KCTD11: variants seen among roughly 807,000 people sequenced by gnomAD.
KCTD11 encodes potassium channel tetramerization domain containing 11.
In KCTD11, 8 loss-of-function variants were observed where a neutral mutation model predicts 10.7. The ratio of observed to expected loss-of-function variants is 0.74; its 90% CI spans 0.44 to 1.34. The LOEUF (loss-of-function observed/expected upper bound fraction) is 1.34, where lower values mean the gene tolerates loss of function less well. KCTD11 is among the 40% of genes most tolerant of loss of function. The pLI is 0.01. For missense variants in KCTD11, 346 were observed against 356.1 expected (o/e 0.97, Z 0.23); for synonymous variants, 153 against 160.8 (o/e 0.95, Z 0.37).
At position 7,354,226 on chromosome 17, in the gene KCTD11, A is replaced by T. The variant is rs187809565; in HGVS notation, c.*585A>T. ...ATGTATGGGAGCTAGGACAGTCCCC[A>T]TGGCAATGGGGCTGGAGCATCCCTC... On this transcript the variant is annotated 3_prime_UTR_variant, in exon 1 of 1. Transcript: ENST00000333751. 6.0e-6 allele frequency: 1 copy of T among 167,356 alleles called. No homozygotes were observed. Among genetic ancestry groups the T allele is most frequent in the Admixed American group, 6.5e-5 (1 of 15,310 alleles). The allele number at this position is 167,356 out of a possible 1,614,324, so 10.4% of individuals were successfully genotyped here.
Position 7,352,920 on chromosome 17 carries a change from C to T in KCTD11, c.95C>T (p.Thr32Ile). 6.4e-7 allele frequency: 1 copy of T among 1,552,412 alleles called. No homozygotes were observed. Among genetic ancestry groups the T allele is most frequent in the Non-Finnish European group, 8.7e-7 (1 of 1,145,154 alleles). ...ACACTATATTCCACCACTTTGGAGACCCTGACCCGCTTCCCAGACTCTATG... is the reference window on the plus strand; with the variant it reads ...ACACTATATTCCACCACTTTGGAGATCCTGACCCGCTTCCCAGACTCTATG... The change falls in exon 1 of 1, where the codon ACC becomes ATC. Residue 32 changes from threonine (T) to isoleucine (I), a missense_variant. Thr to Ile is a moderately conservative substitution (Grantham distance 89). Coordinates refer to ENST00000333751, the MANE Select transcript of KCTD11 (RefSeq NM_001363642.1). The surrounding 1 kb of genome is among the most constrained non-coding windows in gnomAD (Gnocchi z 4.5).
Position 7,353,728 on chromosome 17 carries a change from C to A in KCTD11, c.*87C>A. 1 of 1,299,522 alleles carries A rather than the reference C, an allele frequency of 7.7e-7. No individual in the cohort carries two copies. Among genetic ancestry groups the A allele is most frequent in the Non-Finnish European group, 1.0e-6 (1 of 955,302 alleles). 80.5% of individuals were successfully genotyped at this position (1,299,522 alleles called of 1,614,324 possible). A position where few individuals can be genotyped will look rare whatever the true frequency, so the allele number is the denominator to read the frequency against. On this transcript the variant is annotated 3_prime_UTR_variant, in exon 1 of 1. Transcript: ENST00000333751. This position sits in a 1 kb window ranked among gnomAD's most constrained non-coding sequence, Gnocchi z 4.9. ...CCTCTTTCCAGCTCTGCTTCAGGAG[C>A]TATGAGAGTCGGGACTCTCCTGCAC...
At position 7,353,064 on chromosome 17, in the gene KCTD11, G is replaced by A. The variant is rs778687318; in HGVS notation, c.239G>A (p.Arg80Lys). The A allele has an allele frequency of 6.2e-7, 1 of 1,613,568 alleles. No individual in the cohort carries two copies. Among genetic ancestry groups the A allele is most frequent in the East Asian group, 2.2e-5 (1 of 44,874 alleles). The change falls in exon 1 of 1, where the codon AGG (arginine) becomes AAG (lysine). Residue 80 changes from arginine to lysine, a missense_variant. Coordinates refer to ENST00000333751, the MANE Select transcript of KCTD11 (RefSeq NM_001363642.1). This position sits in a 1 kb window ranked among gnomAD's most constrained non-coding sequence, Gnocchi z 4.9. ...TTCCGGCACATCCTCAATTTCCTGA[G>A]GCTGGGCCGCCTGGACCTGCCCCGT...
In KCTD11 at chr17:7,353,737, T is replaced by C; in HGVS notation, c.*96T>C. The C allele has an allele frequency of 8.2e-7, 1 of 1,212,250 alleles. No homozygotes were observed. The highest frequency in any genetic ancestry group is 1.1e-6 in the Non-Finnish European group (1 of 880,478). The allele number at this position is 1,212,250 out of a possible 1,614,324, so 75.1% of individuals were successfully genotyped here. ...AGCTCTGCTTCAGGAGCTATGAGAG[T>C]CGGGACTCTCCTGCACCTGACTGGA... is the stretch of plus-strand genomic sequence containing the variant. On this transcript the variant is annotated 3_prime_UTR_variant, in exon 1 of 1. Transcript: ENST00000333751. This position sits in a 1 kb window ranked among gnomAD's most constrained non-coding sequence, Gnocchi z 4.9.
In KCTD11 at chr17:7,354,341, A is replaced by G. The variant is rs1402558830; in HGVS notation, c.*700A>G. 1.2e-5 allele frequency: 2 copies of G among 167,242 alleles called. No individual in the cohort carries two copies. Among genetic ancestry groups the G allele is most frequent in the African/African-American group, 4.8e-5 (2 of 41,438 alleles). 10.4% of individuals were successfully genotyped at this position (167,242 alleles called of 1,614,324 possible). On this transcript the variant is annotated 3_prime_UTR_variant, in exon 1 of 1. Transcript: ENST00000333751. The stretch of plus-strand genomic sequence containing the variant: ...CTGGCCTTTCTTCATGTGTGCGTGC[A>G]TATCAGCCCGTGTGGCTGACTGATG...
Position 7,353,457 on chromosome 17 carries a change from G to GGA in KCTD11, c.635_636dup (p.Leu213AspfsTer39). The GGA allele has an allele frequency of 6.2e-7, 1 of 1,610,654 alleles. No homozygotes were observed. Among genetic ancestry groups the GGA allele is most frequent in the Non-Finnish European group, 8.5e-7 (1 of 1,178,788 alleles). On this transcript the variant is annotated frameshift_variant, in exon 1 of 1. Transcript: ENST00000333751. LOFTEE classifies it high-confidence loss of function. The surrounding 1 kb of genome is among the most constrained non-coding windows in gnomAD (Gnocchi z 4.9). The stretch of plus-strand genomic sequence containing the variant: ...GTGGAACTCCCCGAGGTGGAGTATG[G>GGA]GAGACTGGGGCTGCAGCCGCTGTGG...
chr17:7,352,976 A>G lies in KCTD11; in HGVS notation c.151A>G (p.Met51Val). Residue 51 changes from methionine to valine, a missense_variant, in exon 1 of 1, where the codon ATG (methionine) becomes GTG (valine). Transcript: ENST00000333751. The surrounding 1 kb of genome is among the most constrained non-coding windows in gnomAD (Gnocchi z 4.5). The stretch of plus-strand genomic sequence containing the variant: ...GGCCATGTTTAGGGCCGGCACCCCC[A>G]TGCCCCCCAACCTCAATTCCCAAGG... The G allele has an allele frequency of 6.2e-7, 1 of 1,600,948 alleles. No homozygotes were observed. The highest frequency in any genetic ancestry group is 1.3e-5 in the African/African-American group (1 of 74,814).
Position 7,353,779 on chromosome 17 carries a change from G to T in KCTD11, c.*138G>T, listed in dbSNP as rs542791165. 2 of 867,214 alleles carry T rather than the reference G, an allele frequency of 2.3e-6. No individual in the cohort carries two copies. The highest frequency in any genetic ancestry group is 6.2e-5 in the Admixed American group (2 of 32,238). 53.7% of individuals were successfully genotyped at this position (867,214 alleles called of 1,614,324 possible). On this transcript the variant is annotated 3_prime_UTR_variant, in exon 1 of 1. Coordinates refer to ENST00000333751, the MANE Select transcript of KCTD11 (RefSeq NM_001363642.1). The surrounding 1 kb of genome is among the most constrained non-coding windows in gnomAD (Gnocchi z 4.9). The stretch of plus-strand genomic sequence containing the variant: ...CTGACTGGAGCTCAGATGTGGGCAG[G>T]AATTCCCAAACCTGAGCCCACCAAG...
rs1342028197 is a variant in KCTD11 at position 7,353,912 on chromosome 17, TG to T, written c.*272del. 2 of 400,524 alleles carry T rather than the reference TG, an allele frequency of 5.0e-6. No homozygotes were observed. The highest frequency in any genetic ancestry group is 4.1e-5 in the African/African-American group (2 of 49,106). The allele number at this position is 400,524 out of a possible 1,614,324, so 24.8% of individuals were successfully genotyped here. A position where few individuals can be genotyped will look rare whatever the true frequency, so the allele number is the denominator to read the frequency against. On this transcript the variant is annotated 3_prime_UTR_variant, in exon 1 of 1. Coordinates refer to ENST00000333751, the MANE Select transcript of KCTD11 (RefSeq NM_001363642.1). This position sits in a 1 kb window ranked among gnomAD's most constrained non-coding sequence, Gnocchi z 4.9. The stretch of plus-strand genomic sequence containing the variant: ...AGGCTGAGCACCTCCAGTCTCTCCT[TG>T]ATTTGGAGCTCAGTGTTTAAGGGCT...
chr17:7,352,680 A>C lies in KCTD11; in HGVS notation c.-146A>C. 2.0e-6 allele frequency: 1 copy of C among 498,198 alleles called. No homozygotes were observed. The allele number at this position is 498,198 out of a possible 1,614,324, so 30.9% of individuals were successfully genotyped here. ...GACACCACCTCCCCATCCACCACCA[A>C]AGTAGCCGGGGTGAGCCCCAAACCT... is the stretch of plus-strand genomic sequence containing the variant. On this transcript the variant is annotated 5_prime_UTR_variant, in exon 1 of 1. Transcript: ENST00000333751. This position sits in a 1 kb window ranked among gnomAD's most constrained non-coding sequence, Gnocchi z 4.5.
In KCTD11 at chr17:7,352,902, A is replaced by G; in HGVS notation, c.77A>G (p.Tyr26Cys). 2.0e-6 allele frequency: 3 copies of G among 1,517,982 alleles called. No individual in the cohort carries two copies. The highest frequency in any genetic ancestry group is 1.8e-6 in the Non-Finnish European group (2 of 1,123,776). 94.0% of individuals were successfully genotyped at this position (1,517,982 alleles called of 1,614,324 possible). A position where few individuals can be genotyped will look rare whatever the true frequency, so the allele number is the denominator to read the frequency against. The change falls in exon 1 of 1, where the codon TAT becomes TGT. Residue 26 changes from tyrosine to cysteine, a missense_variant. Transcript: ENST00000333751. The surrounding 1 kb of genome is among the most constrained non-coding windows in gnomAD (Gnocchi z 4.5). ...ACCCTGAATGTGGGGGGCACACTATATTCCACCACTTTGGAGACCCTGACC... is the reference window on the plus strand; with the variant it reads ...ACCCTGAATGTGGGGGGCACACTATGTTCCACCACTTTGGAGACCCTGACC...
In KCTD11 at chr17:7,353,412, T is replaced by G. The variant is rs2073436311; in HGVS notation, c.587T>G (p.Leu196Arg). 6.2e-7 allele frequency: 1 copy of G among 1,612,702 alleles called. No homozygotes were observed. The highest frequency in any genetic ancestry group is 8.5e-7 in the Non-Finnish European group (1 of 1,179,978). The change falls in exon 1 of 1, where the codon CTG becomes CGG. Residue 196 changes from leucine (L) to arginine (R), a missense_variant. Coordinates refer to ENST00000333751, the MANE Select transcript of KCTD11 (RefSeq NM_001363642.1). This position sits in a 1 kb window ranked among gnomAD's most constrained non-coding sequence, Gnocchi z 4.9. Reference sequence around the variant, plus strand: ...GCAGAGGGGAGCCCACATTTTCATCTGGAGTGGGCCCCCCGCCCCGTGGAA... The same window carrying G: ...GCAGAGGGGAGCCCACATTTTCATCGGGAGTGGGCCCCCCGCCCCGTGGAA...
chr17:7,353,748 C>A lies in KCTD11; in HGVS notation c.*107C>A. The A allele has an allele frequency of 1.9e-6, 2 of 1,057,796 alleles. No individual in the cohort carries two copies. The highest frequency in any genetic ancestry group is 2.7e-6 in the Non-Finnish European group (2 of 748,252). 65.5% of individuals were successfully genotyped at this position (1,057,796 alleles called of 1,614,324 possible). On this transcript the variant is annotated 3_prime_UTR_variant, in exon 1 of 1. Transcript: ENST00000333751. The surrounding 1 kb of genome is among the most constrained non-coding windows in gnomAD (Gnocchi z 4.9). ...AGGAGCTATGAGAGTCGGGACTCTC[C>A]TGCACCTGACTGGAGCTCAGATGTG...
rs2073424918 is a variant in KCTD11, at chr17:7,352,740, C to A, written c.-86C>A. On this transcript the variant is annotated 5_prime_UTR_variant, in exon 1 of 1. Coordinates refer to ENST00000333751, the MANE Select transcript of KCTD11 (RefSeq NM_001363642.1). This position sits in a 1 kb window ranked among gnomAD's most constrained non-coding sequence, Gnocchi z 4.5. The stretch of plus-strand genomic sequence containing the variant: ...TGCTCCACCTGTGCCTCCAACCCAG[C>A]GAATCTGACAGCTTCGACCCAATTC... The A allele has an allele frequency of 3.6e-6, 2 of 548,772 alleles. No individual in the cohort carries two copies. The highest frequency in any genetic ancestry group is 1.9e-5 in the African/African-American group (1 of 53,328). 34.0% of individuals were successfully genotyped at this position (548,772 alleles called of 1,614,324 possible).
rs1000987455 is a variant in KCTD11, at chr17:7,353,345, G to A, written c.520G>A (p.Gly174Ser). The change falls in exon 1 of 1, where the codon GGT (glycine) becomes AGT (serine). Residue 174 changes from glycine to serine, a missense_variant. Gly to Ser is a moderately conservative substitution (Grantham distance 56, BLOSUM62 0). Coordinates refer to ENST00000333751, the MANE Select transcript of KCTD11 (RefSeq NM_001363642.1). This position sits in a 1 kb window ranked among gnomAD's most constrained non-coding sequence, Gnocchi z 4.9. ...TTTCTGCACCGACTCTGAGTGTCTA[G>A]GTGCTTTGCGGGCCCGATTTGGTGT... 2.9e-5 allele frequency: 47 copies of A among 1,614,142 alleles called. No homozygotes were observed. Among genetic ancestry groups the A allele is most frequent in the Non-Finnish European group, 3.6e-5 (43 of 1,180,036 alleles).
rs568339153 is a variant in KCTD11, at chr17:7,353,383, T to C, written c.558T>C (p.Asp186=). 2.5e-6 allele frequency: 4 copies of C among 1,613,898 alleles called. No individual in the cohort carries two copies. The East Asian group carries it at 8.9e-5, about 36-fold the overall frequency. ...CCCGATTTGGTGTGGCCAGTGGGGA[T>C]AGGGCAGAGGGGAGCCCACATTTTC... Residue 186 remains aspartate (D), a synonymous_variant, in exon 1 of 1, where the codon GAT becomes GAC. Coordinates refer to ENST00000333751, the MANE Select transcript of KCTD11 (RefSeq NM_001363642.1). The surrounding 1 kb of genome is among the most constrained non-coding windows in gnomAD (Gnocchi z 4.9).
At position 7,353,008 on chromosome 17, in the gene KCTD11, C is replaced by T. The variant is rs1177735766; in HGVS notation, c.183C>T (p.Gly61=). The T allele has an allele frequency of 1.9e-6, 3 of 1,611,914 alleles. No individual in the cohort carries two copies. In the Admixed American group the frequency reaches 5.0e-5, roughly 27 times the overall value. ...CCAACCTCAATTCCCAAGGAGGCGG[C>T]CACTACTTCATCGACCGGGATGGCA... The change falls in exon 1 of 1, where the codon GGC becomes GGT. Residue 61 remains glycine (G), a synonymous_variant. Transcript: ENST00000333751. This position sits in a 1 kb window ranked among gnomAD's most constrained non-coding sequence, Gnocchi z 4.9.
In KCTD11 at chr17:7,353,694, C is replaced by A. The variant is rs1161038524; in HGVS notation, c.*53C>A. On this transcript the variant is annotated 3_prime_UTR_variant, in exon 1 of 1. Coordinates refer to ENST00000333751, the MANE Select transcript of KCTD11 (RefSeq NM_001363642.1). This position sits in a 1 kb window ranked among gnomAD's most constrained non-coding sequence, Gnocchi z 4.9. ...GAGGAGAGAGAATGGGGTACTAGCA[C>A]CCCTGAAGCCTCTTTCCAGCTCTGC... 6.8e-7 allele frequency: 1 copy of A among 1,461,674 alleles called. No homozygotes were observed. Among genetic ancestry groups the A allele is most frequent in the Non-Finnish European group, 9.2e-7 (1 of 1,089,052 alleles). 90.5% of individuals were successfully genotyped at this position (1,461,674 alleles called of 1,614,324 possible). A position where few individuals can be genotyped will look rare whatever the true frequency, so the allele number is the denominator to read the frequency against.
chr17:7,352,630 A>ATCT lies in KCTD11; in HGVS notation c.-196_-195insTCT, dbSNP rs2073423970. 2.1e-6 allele frequency: 1 copy of ATCT among 471,454 alleles called. No individual in the cohort carries two copies. The highest frequency in any genetic ancestry group is 1.9e-5 in the African/African-American group (1 of 51,326). The allele number at this position is 471,454 out of a possible 1,614,324, so 29.2% of individuals were successfully genotyped here. A position where few individuals can be genotyped will look rare whatever the true frequency, so the allele number is the denominator to read the frequency against. On this transcript the variant is annotated 5_prime_UTR_variant, in exon 1 of 1. Transcript: ENST00000333751. This position sits in a 1 kb window ranked among gnomAD's most constrained non-coding sequence, Gnocchi z 4.5. ...CTCTGCTCTTTTCATCTCTTCTCTC[A>ATCT]ACCTTTTGGGGATTTCTGTGTCCTG... is the stretch of plus-strand genomic sequence containing the variant.
Sources: gnomAD v4.1 joint callset for allele counts on GRCh38, gnomAD v4.1.1 for gene constraint, Gnocchi (gnomAD v3.1) non-coding constraint, MANE v1.5 for transcripts, NCBI Gene and HGNC (gene_info 2026-07-23, HGNC 2026-07-21) for gene names.